The following SERPINB11 variants were observed in gnomAD, a reference collection of about 807,000 sequenced individuals.
The protein encoded by SERPINB11 is serpin family B member 11.
SERPINB11 carries 32 observed loss-of-function variants against 36.7 expected under a neutral mutation model. That is an observed-to-expected ratio of 0.87 (90% CI 0.66 to 1.17). The LOEUF is 1.17. SERPINB11 is among the 50% of genes most tolerant of loss of function. SERPINB11 has a pLI of 0.00. For missense variants in SERPINB11, 528 were observed against 458.4 expected (o/e 1.15, Z -1.39); for synonymous variants, 174 against 168.1 (o/e 1.04, Z -0.27).
chr18:63,723,733 AATAAGT>A lies in SERPINB11; in HGVS notation c.*335_*340del. 4.8e-6 allele frequency: 1 copy of A among 207,086 alleles called. No individual in the cohort carries two copies. The allele number at this position is 207,086 out of a possible 1,614,324, so 12.8% of individuals were successfully genotyped here. A position where few individuals can be genotyped will look rare whatever the true frequency, so the allele number is the denominator to read the frequency against. On this transcript the variant is annotated 3_prime_UTR_variant, in exon 8 of 8. Coordinates refer to ENST00000544088, the MANE Select transcript of SERPINB11 (RefSeq NM_001370475.1). ...ACTTGTATGTATCTGTGAGATCTTG[AATAAGT>A]GACCTGACATCTCTGCTTAAAGAAA...
At chr18:63,722,082 G>C (rs974091570) in intron 7 of SERPINB11, among the ~76,000 whole-genome samples, 1 of 152,186 alleles carries the variant, frequency 6.6e-6, no homozygotes, top group African/African-American at 2.4e-5. Flanking sequence ...CAGGGGCCCT[G>C]CTAAACTGAG....
chr18:63,713,479 T>C (rs1914582696), intron 4 of SERPINB11, among the ~76,000 whole-genome samples: 1 of 152,212 alleles, frequency 6.6e-6, no homozygotes, highest in African/African-American at 2.4e-5. Flanking sequence ...AAGCTTTTGT[T>C]TGACCAGGGT....
rs1914793443 is a variant in SERPINB11 at position 63,720,879 on chromosome 18, C to A, written c.667C>A (p.Leu223Met). 4 of 1,579,716 alleles carry A rather than the reference C, an allele frequency of 2.5e-6. No homozygotes were observed. Among genetic ancestry groups the A allele is most frequent in the Non-Finnish European group, 2.6e-6 (3 of 1,161,568 alleles). Residue 223 changes from leucine (L) to methionine (M), a missense_variant, in exon 7 of 8, where the codon CTG becomes ATG. Coordinates refer to ENST00000544088, the MANE Select transcript of SERPINB11 (RefSeq NM_001370475.1). ...GATGTATCAAATTGGAACATTTAAA[C>A]TGGCCTTTGTAAAGGAGCCGCAGAT... ...EMMYQIGTFK[L>M]AFVKEPQMQV...
chr18:63,710,743 G>A (rs891195404), intron 2 of SERPINB11, among the ~76,000 whole-genome samples: 1 of 152,150 alleles, frequency 6.6e-6, no homozygotes, highest in Non-Finnish European at 1.5e-5. Flanking sequence ...AAATTTTCAT[G>A]ATTATGTTTG....
chr18:63,707,284 G>A (rs1017657054), intron 1 of SERPINB11, among the ~76,000 whole-genome samples: 3 of 152,178 alleles, frequency 2.0e-5, no homozygotes, highest in African/African-American at 7.2e-5. Flanking sequence ...GAGAGAAGAA[G>A]AGAAGGAGAG....
chr18:63,712,664 T>C lies in SERPINB11; in HGVS notation c.328T>C (p.Tyr110His). 6.2e-7 allele frequency: 1 copy of C among 1,613,856 alleles called. No homozygotes were observed. Among genetic ancestry groups the C allele is most frequent in the Non-Finnish European group, 8.5e-7 (1 of 1,179,750 alleles). ...NCTLSIANRL[Y>H]GTKTMAFHQQ... The stretch of plus-strand genomic sequence containing the variant: ...TACCCTCAGCATTGCCAACAGGCTC[T>C]ACGGGACAAAGACGATGGCATTTCA... Residue 110 changes from tyrosine (Y) to histidine (H), a missense_variant, in exon 4 of 8, where the codon TAC becomes CAC. Tyr to His is a moderately conservative substitution (Grantham distance 83, BLOSUM62 2). Transcript: ENST00000544088.
chr18:63,718,077 C>T (rs9965382), intron 5 of SERPINB11, among the ~76,000 whole-genome samples: 64,357 of 151,770 alleles, frequency 0.42, 14,685 homozygotes, highest in Non-Finnish European at 0.53. Context: ...TATTGCACTG[C>T]AATGTAAATT....
Position 63,720,949 on chromosome 18 carries a change from T to C in SERPINB11, c.737T>C (p.Ile246Thr), listed in dbSNP as rs2144550866. 6.2e-7 allele frequency: 1 copy of C among 1,609,986 alleles called. No individual in the cohort carries two copies. The highest frequency in any genetic ancestry group is 2.2e-5 in the East Asian group (1 of 44,804). The change falls in exon 7 of 8, where the codon ATT becomes ACT. Residue 246 changes from isoleucine to threonine, a missense_variant. Coordinates refer to ENST00000544088, the MANE Select transcript of SERPINB11 (RefSeq NM_001370475.1). Reference protein sequence around the residue: ...LPYVNNKLSMIILLPVGIANL... With the variant: ...LPYVNNKLSMTILLPVGIANL... ...TACGTTAACAACAAATTAAGCATGATTATTCTGCTTCCAGTAGGCATAGCT... is the reference window on the plus strand; with the variant it reads ...TACGTTAACAACAAATTAAGCATGACTATTCTGCTTCCAGTAGGCATAGCT...
Position 63,713,168 on chromosome 18 carries a change from A to G in SERPINB11, c.357+475A>G, listed in dbSNP as rs1056284448. 5.3e-5 allele frequency among the ~76,000 whole-genome samples: 8 copies of G among 152,238 alleles called. No individual in the cohort carries two copies. The East Asian group carries it at 1.5e-3, about 29-fold the overall frequency. ...AGGCTTAGTTCTTTGTAGCTCCAAT[A>G]TTCTAACACCATTTATGCCCTTTCC... On this transcript the variant is annotated intron_variant, in intron 4 of 7. Coordinates refer to ENST00000544088, the MANE Select transcript of SERPINB11 (RefSeq NM_001370475.1).
In SERPINB11 at chr18:63,720,843, A is replaced by T. The variant is rs1914792117; in HGVS notation, c.631A>T (p.Thr211Ser). 1.3e-6 allele frequency: 2 copies of T among 1,553,620 alleles called. No individual in the cohort carries two copies. Among genetic ancestry groups the T allele is most frequent in the Non-Finnish European group, 1.7e-6 (2 of 1,148,308 alleles). The change falls in exon 7 of 8, where the codon ACT becomes TCT. Residue 211 changes from threonine (T) to serine (S), a missense_variant. Thr to Ser is a moderately conservative substitution (Grantham distance 58, BLOSUM62 1). Coordinates refer to ENST00000544088, the MANE Select transcript of SERPINB11 (RefSeq NM_001370475.1). ...PFQLSEGKNV[T>S]VEMMYQIGTF... ...TTCTTCTTAACAGGGTAAAAATGTA[A>T]CTGTGGAAATGATGTATCAAATTGG... is the stretch of plus-strand genomic sequence containing the variant.
chr18:63,720,272 C>T, intron 6 of SERPINB11, 117 bp downstream of exon 6: 1 of 894,898 alleles, frequency 1.1e-6, no homozygotes. Flanking sequence ...TCTGTTGGTT[C>T]TTTTTATTGT....
In SERPINB11 at chr18:63,711,453, T is replaced by C. The variant is rs1914524745; in HGVS notation, c.228+59T>C. ...TTAACCTAAGAGAAGGATGAAATAA[T>C]AGTCTGGGTGTTGAGTAGAAAAGCT... On this transcript the variant is annotated intron_variant, in intron 3 of 7. Coordinates refer to ENST00000544088, the MANE Select transcript of SERPINB11 (RefSeq NM_001370475.1). 4.6e-6 allele frequency: 6 copies of C among 1,306,190 alleles called. No individual in the cohort carries two copies. In the East Asian group the frequency reaches 9.2e-5, roughly 20 times the overall value. 80.9% of individuals were successfully genotyped at this position (1,306,190 alleles called of 1,614,324 possible).
intron 1 of SERPINB11, among the ~76,000 whole-genome samples, chr18:63,709,399 C>T (rs1914455275): frequency 1.3e-5 from 2 of 152,066 alleles, no homozygotes; most frequent in South Asian, 2.1e-4. Flanking sequence ...ATCACGAGGT[C>T]AGGAGGTCGA....
chr18:63,705,432 C>T (rs955989507), intron 1 of SERPINB11: 2 of 152,104 alleles, frequency 1.3e-5, no homozygotes, highest in African/African-American at 4.8e-5. Context: ...AGCACATATA[C>T]ATAAAAGAAT....
At chr18:63,706,242 G>C (rs987115321) in intron 1 of SERPINB11, among the ~76,000 whole-genome samples, 21 of 152,140 alleles carry the variant, frequency 1.4e-4, no homozygotes, top group African/African-American at 5.1e-4. Context: ...AATGTCATGG[G>C]TCATTATTTT....
chr18:63,708,209 G>A (rs1472974968), intron 1 of SERPINB11, among the ~76,000 whole-genome samples: 1 of 152,236 alleles, frequency 6.6e-6, no homozygotes, highest in African/African-American at 2.4e-5. Flanking sequence ...GGTCTTGCTG[G>A]TCACAGTAAG....
At chr18:63,722,322 C>T (rs1914835535) in intron 7 of SERPINB11, among the ~76,000 whole-genome samples, 1 of 152,168 alleles carries the variant, frequency 6.6e-6, no homozygotes, top group Non-Finnish European at 1.5e-5. Flanking sequence ...TGGTGGTTTG[C>T]AGCTGTGGAC....
At chr18:63,705,074 T>G (rs1241809041) in intron 1 of SERPINB11, among the ~76,000 whole-genome samples, 1 of 152,162 alleles carries the variant, frequency 6.6e-6, no homozygotes, top group East Asian at 1.9e-4. Flanking sequence ...TATTTTTTTG[T>G]TTTTCTTTGT....
At chr18:63,715,917 C>T in intron 4 of SERPINB11, 118 bp from the exon 5 acceptor site, 2 of 575,530 alleles carry the variant, frequency 3.5e-6, no homozygotes, top group Non-Finnish European at 6.1e-6. Flanking sequence ...TCCTCTCAGA[C>T]TTGTTTATGG....
Sources: gnomAD v4.1 joint callset for allele counts (sites outside exome capture counted in the v4.1 genomes callset) on GRCh38, gnomAD v4.1.1 for gene constraint, MANE v1.5 for transcripts, NCBI Gene and HGNC (gene_info 2026-07-23, HGNC 2026-07-21) for gene names.